Variants in CLEC17A observed in about 807,000 individuals in gnomAD.
The protein encoded by CLEC17A is C-type lectin domain family 17, member A.
A neutral mutation model predicts 61.3 loss-of-function variants in CLEC17A; 37 were observed. That is an observed-to-expected ratio of 0.60 (90% CI 0.46 to 0.79). The LOEUF (loss-of-function observed/expected upper bound fraction) is 0.79, where lower values mean the gene tolerates loss of function less well. Among genes scored for constraint, CLEC17A ranks in the 30% least tolerant of loss-of-function variants. The pLI is 0.00. For missense variants in CLEC17A, 418 were observed against 464.7 expected, an observed-to-expected ratio of 0.90 and a Z score of 0.92; for synonymous variants, 168 against 164.9, an observed-to-expected ratio of 1.02 and a Z score of -0.14.
intron 4 of CLEC17A, among the ~76,000 whole-genome samples, 172 bp downstream of exon 4, chr19:14,592,530 G>T (rs973223996): frequency 6.6e-6 from 1 of 152,176 alleles, no homozygotes. Flanking sequence ...TGGCAGAGGC[G>T]GGTTTGGACA....
rs1462559896 is a variant in CLEC17A, at chr19:14,610,236, C to T, written c.*40C>T. On this transcript the variant is annotated 3_prime_UTR_variant, in exon 14 of 14. Coordinates refer to ENST00000417570, the MANE Select transcript of CLEC17A (RefSeq NM_001204118.2). ...GCTGGGGGTCCATATCTGAGTGTCT[C>T]TTTGAGATGAGAATCTCCTGCCCTT... 6 of 1,544,924 alleles carry T rather than the reference C, an allele frequency of 3.9e-6. No individual in the cohort carries two copies. The highest frequency in any genetic ancestry group is 5.2e-6 in the Non-Finnish European group (6 of 1,146,900).
intron 10 of CLEC17A, among the ~76,000 whole-genome samples, chr19:14,599,090 T>C (rs2074634938): frequency 7.5e-6 from 1 of 133,146 alleles, no homozygotes; most frequent in African/African-American, 2.9e-5. Flanking sequence ...TTTTTTTTTT[T>C]TTTTTTTTTT....
chr19:14,593,446 G>C (rs985431544), intron 4 of CLEC17A, among the ~76,000 whole-genome samples: 6 of 151,512 alleles, frequency 4.0e-5, no homozygotes, highest in Non-Finnish European at 8.8e-5. Context: ...CCAGAAAAGA[G>C]ACCATCCTGG....
upstream of CLEC17A, among the ~76,000 whole-genome samples, chr19:14,582,230 T>TG (rs397721344): frequency 5.6e-4 from 85 of 151,756 alleles, no homozygotes; most frequent in African/African-American, 2.0e-3. Context: ...TTTTTTTTTT[T>TG]GAGACGGAGT....
intron 13 of CLEC17A, among the ~76,000 whole-genome samples, chr19:14,608,126 C>A (rs1247138077): frequency 6.6e-6 from 1 of 152,186 alleles, no homozygotes; most frequent in African/African-American, 2.4e-5. Flanking sequence ...CCCGCCTTAG[C>A]CTCCCAAAGT....
chr19:14,594,349 C>T, intron 4 of CLEC17A, 168 bp from the exon 5 acceptor site: 1 of 742,360 alleles, frequency 1.3e-6, no homozygotes, highest in Non-Finnish European at 2.3e-6. Flanking sequence ...CGTTGGTCAC[C>T]CTACTTAATC....
At chr19:14,590,231 C>T in intron 3 of CLEC17A, among the ~76,000 whole-genome samples, 1 of 151,610 alleles carries the variant, frequency 6.6e-6, no homozygotes, top group Non-Finnish European at 1.5e-5. Context: ...ATCCCCTTAA[C>T]ATCTTGTTAC....
intron 4 of CLEC17A, 83 bp downstream of exon 4, chr19:14,592,441 ACAGT>A (rs1408550743): frequency 6.3e-7 from 1 of 1,581,706 alleles, no homozygotes; most frequent in Non-Finnish European, 8.6e-7. Flanking sequence ...TTGTAGACAC[ACAGT>A]CAGTCTCCTC....
intron 5 of CLEC17A, 38 bp downstream of exon 5, chr19:14,594,587 G>A (rs1488984130): frequency 1.2e-6 from 2 of 1,613,406 alleles, no homozygotes; most frequent in South Asian, 2.2e-5. Context: ...CCCAGAGCTG[G>A]CTTTGCCCTG....
upstream of CLEC17A, among the ~76,000 whole-genome samples, chr19:14,581,649 ATTATT>A (rs2074183817): frequency 6.8e-6 from 1 of 147,204 alleles, no homozygotes; most frequent in South Asian, 2.1e-4. Flanking sequence ...GATTATATGG[ATTATT>A]TTATTTTATT....
rs756769536 is a variant in CLEC17A, at chr19:14,597,072, G to A, written c.584-27G>A. On this transcript the variant is annotated intron_variant, in intron 9 of 13. Coordinates refer to ENST00000417570, the MANE Select transcript of CLEC17A (RefSeq NM_001204118.2). The stretch of plus-strand genomic sequence containing the variant: ...TTGGGGAGGGTGCACAGGAGGACCT[G>A]GGCTCAATTTGGACTCTTCTTCATA... 2.5e-6 allele frequency: 4 copies of A among 1,612,328 alleles called. No individual in the cohort carries two copies. The South Asian group carries it at 3.3e-5, about 13-fold the overall frequency.
intron 3 of CLEC17A, 40 bp from the exon 4 acceptor site, chr19:14,592,241 G>A: frequency 6.5e-7 from 1 of 1,539,904 alleles, no homozygotes; most frequent in Non-Finnish European, 8.8e-7. Context: ...ATGGAGGGAG[G>A]AGGGAATGGC....
At chr19:14,587,039 C>A (rs1185097414) in intron 2 of CLEC17A, among the ~76,000 whole-genome samples, 1 of 151,886 alleles carries the variant, frequency 6.6e-6, no homozygotes, top group Admixed American at 6.6e-5. Context: ...CAGGCAGGCA[C>A]CACCACGCCC....
intron 13 of CLEC17A, among the ~76,000 whole-genome samples, chr19:14,607,809 C>T (rs900687918): frequency 6.6e-6 from 1 of 150,660 alleles, no homozygotes; most frequent in Non-Finnish European, 1.5e-5. Context: ...CTCCTGACCT[C>T]AGGTGATCTG....
At chr19:14,607,425 G>A (rs375362530) in intron 13 of CLEC17A, among the ~76,000 whole-genome samples, 4,795 of 151,700 alleles carry the variant, frequency 0.032, 111 homozygotes, top group East Asian at 0.073. Flanking sequence ...GGATGGTCTT[G>A]ATCTCCTGAC....
intron 13 of CLEC17A, among the ~76,000 whole-genome samples, chr19:14,609,831 C>A (rs1568465524): frequency 6.8e-6 from 1 of 147,704 alleles, no homozygotes; most frequent in Admixed American, 6.8e-5. Context: ...GAGTGAGACT[C>A]TGTCTCCAAA....
chr19:14,591,443 C>G (rs564375278), intron 3 of CLEC17A, among the ~76,000 whole-genome samples: 1 of 148,454 alleles, frequency 6.7e-6, no homozygotes, highest in East Asian at 2.0e-4. Context: ...CGTGAGCCAC[C>G]GCGCCTGGCC....
chr19:14,592,507 C>A (rs1314521989), intron 4 of CLEC17A, 149 bp downstream of exon 4: 39 of 1,478,348 alleles, frequency 2.6e-5, no homozygotes, highest in Non-Finnish European at 3.4e-5. Context: ...CCCAGGAGGA[C>A]CTGTCAGTCT....
rs1472054944 is a variant in CLEC17A, at chr19:14,592,333, C to T, written c.252C>T (p.Pro84=). 6.2e-7 allele frequency: 1 copy of T among 1,603,126 alleles called. No homozygotes were observed. The highest frequency in any genetic ancestry group is 1.1e-5 in the South Asian group (1 of 89,364). ...EDDDYENSTP[P]YKDLPPKPGS... Reference sequence around the variant, plus strand: ...ATGACTATGAGAACTCAACACCTCCCTACAAGGACCTTCCTCCCAAGCCAG... The same window carrying T: ...ATGACTATGAGAACTCAACACCTCCTTACAAGGACCTTCCTCCCAAGCCAG... Residue 84 remains proline, a synonymous_variant, in exon 4 of 14, where the codon CCC becomes CCT. Transcript: ENST00000417570.
Sources: gnomAD v4.1 joint callset for allele counts (sites outside exome capture counted in the v4.1 genomes callset) on GRCh38, gnomAD v4.1.1 for gene constraint, MANE v1.5 for transcripts, NCBI Gene and HGNC (gene_info 2026-07-23, HGNC 2026-07-21) for gene names.